The following RBM47 variants were observed in gnomAD, a reference collection of about 807,000 sequenced individuals.
The protein encoded by RBM47 is RNA-binding protein 47.
Under a neutral mutation model 47.1 loss-of-function variants are expected in RBM47, and 21 were observed. That is an observed-to-expected ratio of 0.45 (90% CI 0.32 to 0.64). The LOEUF is 0.64. Ranked by LOEUF, RBM47 falls within the 30% of genes least tolerant of loss-of-function variation. The pLI, the probability that RBM47 is intolerant of heterozygous loss-of-function variation, is 0.05. For missense variants in RBM47, 708 were observed against 870.9 expected, an observed-to-expected ratio of 0.81 and a Z score of 2.35; for synonymous variants, 375 against 361.7, an observed-to-expected ratio of 1.04 and a Z score of -0.42.
chr4:40,561,544 C>CTTTTTTTTTTTTTTTTTTTT (rs796381156), intron 1 of RBM47, among the ~76,000 whole-genome samples: 1 of 124,574 alleles, frequency 8.0e-6, no homozygotes. Flanking sequence ...TTCTTCTTTT[C>CTTTTTTTTTTTTTTTTTTTT]TTTTTTTTTT....
intron 2 of RBM47, among the ~76,000 whole-genome samples, chr4:40,479,452 A>C (rs2154240891): frequency 6.6e-6 from 1 of 152,182 alleles, no homozygotes; most frequent in East Asian, 1.9e-4. Flanking sequence ...ATAATAAAAA[A>C]ATTAGCAGGG....
At chr4:40,535,371 C>CTTTTTTTTTTTTTTTTTTTTTTTTTTT (rs1177127352) in intron 2 of RBM47, among the ~76,000 whole-genome samples, 2 of 103,434 alleles carry the variant, frequency 1.9e-5, no homozygotes, top group African/African-American at 4.3e-5. Flanking sequence ...TATGGTATTT[C>CTTTTTTTTTTTTTTTTTTTTTTTTTTT]TTTTTTTTTT....
intron 3 of RBM47, among the ~76,000 whole-genome samples, chr4:40,452,840 CTT>C (rs34438216): frequency 0.1 from 12,487 of 124,930 alleles, 733 homozygotes; most frequent in South Asian, 0.22. Context: ...TGATTTCCTT[CTT>C]TTTTTTTTTT....
intron 3 of RBM47, among the ~76,000 whole-genome samples, chr4:40,451,907 T>G (rs753667310): frequency 4.6e-5 from 7 of 152,112 alleles, no homozygotes; most frequent in Non-Finnish European, 1.0e-4. Context: ...CAGTGGCTCA[T>G]GCCTGTAATC....
At chr4:40,428,662 T>C (rs891295702) in intron 6 of RBM47, among the ~76,000 whole-genome samples, 1 of 152,250 alleles carries the variant, frequency 6.6e-6, no homozygotes, top group East Asian at 1.9e-4. Flanking sequence ...GGGTTCAGGC[T>C]GCCCACTCCA....
intron 2 of RBM47, among the ~76,000 whole-genome samples, chr4:40,517,407 G>A (rs1334275041): frequency 6.6e-6 from 1 of 152,134 alleles, no homozygotes; most frequent in Non-Finnish European, 1.5e-5. Context: ...AAAGTGCTGG[G>A]ATTACAGGCA....
intron 1 of RBM47, among the ~76,000 whole-genome samples, chr4:40,567,919 G>A (rs1731247583): frequency 6.6e-6 from 1 of 151,906 alleles, no homozygotes; most frequent in Non-Finnish European, 1.5e-5. Context: ...GCTTCACACT[G>A]ACCTCTGTTA....
chr4:40,435,884 C>A (rs1040682227), intron 5 of RBM47, among the ~76,000 whole-genome samples: 2 of 151,408 alleles, frequency 1.3e-5, no homozygotes, highest in South Asian at 2.1e-4. Flanking sequence ...CATGGCCAGG[C>A]GCAGTGGCTC....
intron 5 of RBM47, among the ~76,000 whole-genome samples, chr4:40,435,628 T>G (rs536753830): frequency 6.6e-6 from 1 of 152,294 alleles, no homozygotes; most frequent in South Asian, 2.1e-4. Context: ...CAAAAGGTGC[T>G]GCTTACTCCT....
At chr4:40,562,821 A>G (rs1055982500) in intron 1 of RBM47, among the ~76,000 whole-genome samples, 7 of 152,150 alleles carry the variant, frequency 4.6e-5, no homozygotes, top group African/African-American at 1.4e-4. Flanking sequence ...AACTTGTTTC[A>G]TTGATAATAT....
chr4:40,424,259 G>A lies in RBM47; in HGVS notation c.*1645C>T, dbSNP rs188290404. The A allele has an allele frequency of 6.6e-6, 1 of 152,554 alleles. No individual in the cohort carries two copies. The highest frequency in any genetic ancestry group is 1.5e-5 in the Non-Finnish European group (1 of 68,032). 9.5% of individuals were successfully genotyped at this position (152,554 alleles called of 1,614,324 possible). ...TGGATCTCTAACATGACATAAAAAC[G>A]CAACTGCGTTTTACTTGCTACCTTA... On this transcript the variant is annotated 3_prime_UTR_variant, in exon 7 of 7. Coordinates refer to ENST00000295971, the MANE Select transcript of RBM47 (RefSeq NM_001098634.2).
intron 1 of RBM47, among the ~76,000 whole-genome samples, chr4:40,604,347 G>A (rs1396410169): frequency 1.3e-5 from 2 of 152,210 alleles, no homozygotes; most frequent in Non-Finnish European, 2.9e-5. Context: ...ATGATGGGCT[G>A]GGTGTGGAGG....
At chr4:40,613,658 G>A (rs567712306) in intron 1 of RBM47, among the ~76,000 whole-genome samples, 1 of 152,134 alleles carries the variant, frequency 6.6e-6, no homozygotes, top group Non-Finnish European at 1.5e-5. Flanking sequence ...TTCATGGTGT[G>A]TAAGACAGTA....
chr4:40,481,486 A>ATTG (rs781338110), intron 2 of RBM47, among the ~76,000 whole-genome samples: 2 of 106,816 alleles, frequency 1.9e-5, no homozygotes, highest in Non-Finnish European at 1.9e-5. Context: ...TATTATTATT[A>ATTG]TTTTTATTTT....
At chr4:40,432,609 G>T in intron 6 of RBM47, 42 bp downstream of exon 6, 2 of 1,608,338 alleles carry the variant, frequency 1.2e-6, no homozygotes, top group Non-Finnish European at 1.7e-6. Flanking sequence ...GTTAAAGAGA[G>T]GCTTCACACA....
At chr4:40,616,353 CAA>C (rs371710118) in intron 1 of RBM47, among the ~76,000 whole-genome samples, 5 of 65,704 alleles carry the variant, frequency 7.6e-5, no homozygotes, top group African/African-American at 6.2e-5. Context: ...GACTCTGTCT[CAA>C]AAAAAAAAAA....
At chr4:40,570,802 A>C (rs1324038905) in intron 1 of RBM47, among the ~76,000 whole-genome samples, 3 of 152,068 alleles carry the variant, frequency 2.0e-5, no homozygotes, top group African/African-American at 7.2e-5. Context: ...ATTAAAATAC[A>C]TGACTAGCAT....
chr4:40,592,963 ATATATATATATATATATTTTTT>A (rs1734338724), intron 1 of RBM47, among the ~76,000 whole-genome samples: 3 of 15,152 alleles, frequency 2.0e-4, no homozygotes, highest in Non-Finnish European at 2.5e-4. Context: ...ATATATATAT[ATATATATATATATATATTTTTT>A]TTTTTTTTTT....
At chr4:40,466,884 T>A (rs1277345783) in intron 2 of RBM47, among the ~76,000 whole-genome samples, 185 bp from the exon 3 acceptor site, 1 of 151,400 alleles carries the variant, frequency 6.6e-6, no homozygotes, top group Non-Finnish European at 1.5e-5. Flanking sequence ...ATGTTCTCTA[T>A]AAACCAAGTG....
Sources: gnomAD v4.1 joint callset for allele counts (sites outside exome capture counted in the v4.1 genomes callset) on GRCh38, gnomAD v4.1.1 for gene constraint, MANE v1.5 for transcripts, NCBI Gene and HGNC (gene_info 2026-07-23, HGNC 2026-07-21) for gene names.